FECH: variants seen among roughly 807,000 people sequenced by gnomAD.
FECH encodes ferrochelatase, mitochondrial.
Under a neutral mutation model 56.9 loss-of-function variants are expected in FECH, and 40 were observed. The observed-to-expected ratio is 0.70, with a 90% confidence interval of 0.55 to 0.92. The LOEUF is 0.92. FECH is among the 40% of genes least tolerant of loss of function. The pLI, the probability that FECH is intolerant of heterozygous loss-of-function variation, is 0.00. For missense variants in FECH, 431 were observed against 529.1 expected, an observed-to-expected ratio of 0.81 and a Z score of 1.82; for synonymous variants, 175 against 198.6, an observed-to-expected ratio of 0.88 and a Z score of 1.00.
intron 4 of FECH, among the ~76,000 whole-genome samples, chr18:57,570,035 GTGTGT>G (rs1237327066): frequency 7.2e-5 from 2 of 27,756 alleles, no homozygotes; most frequent in Non-Finnish European, 1.3e-4. Flanking sequence ...TTGTTGTCGT[GTGTGT>G]GTGTGTGTGT....
At chr18:57,554,196 G>A in intron 9 of FECH, 64 bp downstream of exon 9, 1 of 1,556,512 alleles carries the variant, frequency 6.4e-7, no homozygotes, top group Admixed American at 1.7e-5. Context: ...ACATTAGTTA[G>A]TTGCAGAAAA....
In FECH at chr18:57,550,529, A is replaced by G; in HGVS notation, c.*183T>C. ...AAATACAAATGCTTACTGTATAGTT[A>G]TATAAAAATAGAAATCCATCAAGAG... is the stretch of plus-strand genomic sequence containing the variant. On this transcript the variant is annotated 3_prime_UTR_variant, in exon 11 of 11. Coordinates refer to ENST00000262093, the MANE Select transcript of FECH (RefSeq NM_000140.5). The G allele has an allele frequency of 1.6e-6, 1 of 640,116 alleles. No homozygotes were observed. Among genetic ancestry groups the G allele is most frequent in the Non-Finnish European group, 2.6e-6 (1 of 377,562 alleles). 39.7% of individuals were successfully genotyped at this position (640,116 alleles called of 1,614,324 possible).
At chr18:57,566,242 T>G (rs1244889069) in intron 5 of FECH, among the ~76,000 whole-genome samples, 2 of 152,170 alleles carry the variant, frequency 1.3e-5, no homozygotes, top group Non-Finnish European at 2.9e-5. Flanking sequence ...CCATTTGTAA[T>G]TACCAGCCAA....
chr18:57,571,164 T>G lies in FECH; in HGVS notation c.463+228A>C, dbSNP rs111519013. ...CTCGAACTTCCTTTTGAAACTCATG[T>G]CCCAAATCCTTAGCTTTTTTTTACT... is the stretch of plus-strand genomic sequence containing the variant. On this transcript the variant is annotated intron_variant, in intron 4 of 10. Transcript: ENST00000262093. Among the ~76,000 whole-genome samples, 428 of 152,212 alleles carry G rather than the reference T, an allele frequency of 2.8e-3. 1 individual carries two copies. Among genetic ancestry groups the G allele is most frequent in the African/African-American group, 9.6e-3 (401 of 41,570 alleles).
rs747976113 is a variant in FECH at position 57,546,375 on chromosome 18, C to T, written c.*4337G>A. Among the ~76,000 whole-genome samples, 2 of 146,456 alleles carry T rather than the reference C, an allele frequency of 1.4e-5. No individual in the cohort carries two copies. Among genetic ancestry groups the T allele is most frequent in the Admixed American group, 6.8e-5 (1 of 14,766 alleles). On this transcript the variant is annotated 3_prime_UTR_variant, in exon 11 of 11. Coordinates refer to ENST00000262093, the MANE Select transcript of FECH (RefSeq NM_000140.5). ...GACAGGAGCTCATACGGCAGAGCCCCTAGGAATGCAGGTGCCCCCAGTCAT... is the reference window on the plus strand; with the variant it reads ...GACAGGAGCTCATACGGCAGAGCCCTTAGGAATGCAGGTGCCCCCAGTCAT...
chr18:57,585,538 C>T (rs1401513905), intron 1 of FECH, among the ~76,000 whole-genome samples: 2 of 152,182 alleles, frequency 1.3e-5, no homozygotes, highest in East Asian at 1.9e-4. Context: ...TGCCCTTTGT[C>T]CCCCAGCGCC....
Position 57,548,264 on chromosome 18 carries a change from A to AC in FECH, c.*2447_*2448insG, listed in dbSNP as rs1555678911. ...AGACTCCATCTTAAAAAAAAAAAAA[A>AC]ACAAAACAAAACAATGAGTTCATTT... On this transcript the variant is annotated 3_prime_UTR_variant, in exon 11 of 11. Coordinates refer to ENST00000262093, the MANE Select transcript of FECH (RefSeq NM_000140.5). 6.8e-6 allele frequency: 1 copy of AC among 147,052 alleles called. No homozygotes were observed. The highest frequency in any genetic ancestry group is 1.5e-5 in the Non-Finnish European group (1 of 66,530). 9.1% of individuals were successfully genotyped at this position (147,052 alleles called of 1,614,324 possible).
At position 57,571,378 on chromosome 18, in the gene FECH, A is replaced by AC. The variant is rs1202522254; in HGVS notation, c.463+13_463+14insG. On this transcript the variant is annotated intron_variant, in intron 4 of 10. Coordinates refer to ENST00000262093, the MANE Select transcript of FECH (RefSeq NM_000140.5). ...GAACTAATCTAGTTACATGTTAATGAAGAAACACCATACCTGTGTTGGGGG... is the reference window on the plus strand; with the variant it reads ...GAACTAATCTAGTTACATGTTAATGACAGAAACACCATACCTGTGTTGGGGG... 73 of 1,613,304 alleles carry AC rather than the reference A, an allele frequency of 4.5e-5. No homozygotes were observed. Among genetic ancestry groups the AC allele is most frequent in the Non-Finnish European group, 6.1e-5 (72 of 1,179,372 alleles).
chr18:57,559,009 C>G (rs2050904014), intron 7 of FECH, 136 bp downstream of exon 7: 1 of 703,558 alleles, frequency 1.4e-6, no homozygotes, highest in Non-Finnish European at 2.6e-6. Flanking sequence ...CTAGTTAGCA[C>G]CAAGTCTGAG....
At chr18:57,559,904 C>G (rs144573241) in intron 6 of FECH, among the ~76,000 whole-genome samples, 1 of 152,138 alleles carries the variant, frequency 6.6e-6, no homozygotes, top group Admixed American at 6.5e-5. Flanking sequence ...CCTGCCTCCC[C>G]CTCCAAATCT....
At chr18:57,566,283 A>G (rs1317755252) in intron 5 of FECH, among the ~76,000 whole-genome samples, 164 bp downstream of exon 5, 2 of 152,248 alleles carry the variant, frequency 1.3e-5, no homozygotes, top group Non-Finnish European at 2.9e-5. Flanking sequence ...CAGATGGACC[A>G]TGAGATTTCA....
intron 4 of FECH, chr18:57,567,908 T>C (rs1332425827): frequency 6.6e-6 from 1 of 152,212 alleles, no homozygotes; most frequent in Non-Finnish European, 1.5e-5. Flanking sequence ...TAAAACTAGA[T>C]CATTTTTAGC....
chr18:57,562,730 T>C (rs2050960814), intron 6 of FECH, 144 bp downstream of exon 6: 3 of 675,592 alleles, frequency 4.4e-6, no homozygotes, highest in Non-Finnish European at 8.0e-6. Flanking sequence ...AAATCAAGAA[T>C]ATAATACTTT....
chr18:57,586,493 G>GCT (rs2051376987), intron 1 of FECH, 61 bp downstream of exon 1: 2 of 1,493,588 alleles, frequency 1.3e-6, no homozygotes, highest in Non-Finnish European at 1.8e-6. Context: ...CCAGCTGCCC[G>GCT]CTCTGCCCAC....
intron 2 of FECH, among the ~76,000 whole-genome samples, chr18:57,579,441 T>G (rs965453373): frequency 6.6e-6 from 1 of 152,020 alleles, no homozygotes; most frequent in African/African-American, 2.4e-5. Context: ...TTCTATGTAC[T>G]CATCTCGATA....
At chr18:57,576,181 G>A (rs1209977817) in intron 2 of FECH, among the ~76,000 whole-genome samples, 1 of 152,148 alleles carries the variant, frequency 6.6e-6, no homozygotes, top group Non-Finnish European at 1.5e-5. Flanking sequence ...TCCAGCCATT[G>A]CCAAATTTGT....
At chr18:57,554,554 G>T (rs977615683) in intron 8 of FECH, 130 bp from the exon 9 acceptor site, 3 of 976,284 alleles carry the variant, frequency 3.1e-6, no homozygotes, top group Non-Finnish European at 3.2e-6. Flanking sequence ...TGCTTGAATG[G>T]ATTTTGATAT....
intron 5 of FECH, among the ~76,000 whole-genome samples, chr18:57,564,293 A>G (rs2050988570): frequency 6.6e-6 from 1 of 152,242 alleles, no homozygotes; most frequent in Non-Finnish European, 1.5e-5. Context: ...TAATCTAATA[A>G]ACTTATATTT....
chr18:57,583,452 T>C (rs1280770052), intron 1 of FECH, among the ~76,000 whole-genome samples: 1 of 152,220 alleles, frequency 6.6e-6, no homozygotes, highest in East Asian at 1.9e-4. Context: ...CTCACTTTTC[T>C]CATCTGCAAA....
Sources: allele counts gnomAD v4.1 joint callset (sites outside exome capture counted in the v4.1 genomes callset), GRCh38; gene constraint gnomAD v4.1.1; transcripts MANE v1.5; gene names NCBI Gene and HGNC (gene_info 2026-07-23, HGNC 2026-07-21).